The following IQGAP2 variants were observed in gnomAD, a reference collection of about 807,000 sequenced individuals.
IQGAP2 encodes IQ motif containing GTPase activating protein 2.
In IQGAP2, 173 loss-of-function variants were observed where a neutral mutation model predicts 201.3. The observed-to-expected ratio is 0.86, with a 90% CI of 0.76 to 0.98. The LOEUF is 0.98. IQGAP2 is among the 50% of genes least tolerant of loss of function. IQGAP2 has a pLI of 0.00. For synonymous variants in IQGAP2, 675 were observed against 673.9 expected (o/e 1.00, Z -0.03); for missense variants, 1,687 against 1,864.8 (o/e 0.90, Z 1.76).
chr5:76,701,144 T>A lies in IQGAP2; in HGVS notation c.4436T>A (p.Val1479Glu), dbSNP rs771638648. 1 of 1,614,126 alleles carries A rather than the reference T, an allele frequency of 6.2e-7. No individual in the cohort carries two copies. Among genetic ancestry groups the A allele is most frequent in the South Asian group, 1.1e-5 (1 of 91,082 alleles). Residue 1479 changes from valine to glutamate, a missense_variant, in exon 34 of 36, where the codon GTG becomes GAG. Physicochemically the swap from Val to Glu is moderately radical, Grantham distance 121. Transcript: ENST00000274364. ...AAAGGGGCGAAGAGAGCGAAGCCAG[T>A]GAAGTACACTGCAGCAAAGCTGCAT... The part of the protein sequence containing the change: ...EPKGAKRAKP[V>E]KYTAAKLHEK...
intron 2 of IQGAP2, among the ~76,000 whole-genome samples, chr5:76,505,505 A>G (rs1284983187): frequency 1.3e-5 from 2 of 152,156 alleles, no homozygotes; most frequent in Non-Finnish European, 2.9e-5. Flanking sequence ...AATTAGGGAG[A>G]CATTGAGGAG....
intron 5 of IQGAP2, among the ~76,000 whole-genome samples, chr5:76,587,429 T>C (rs1264972801): frequency 6.6e-6 from 1 of 152,208 alleles, no homozygotes; most frequent in Non-Finnish European, 1.5e-5. Flanking sequence ...TTAATAACAA[T>C]CTAAATGCTC....
chr5:76,443,186 C>T (rs544052470), intron 1 of IQGAP2, among the ~76,000 whole-genome samples: 60 of 152,150 alleles, frequency 3.9e-4, no homozygotes, highest in African/African-American at 1.3e-3. Flanking sequence ...GATTTATAGT[C>T]GGAAAATATA....
chr5:76,592,357 A>G (rs1400549510), intron 8 of IQGAP2, among the ~76,000 whole-genome samples: 3 of 152,194 alleles, frequency 2.0e-5, no homozygotes, highest in Admixed American at 2.0e-4. Context: ...TATTCTTGAC[A>G]TTATTCTGTT....
At chr5:76,421,631 T>G (rs1751735623) in intron 1 of IQGAP2, among the ~76,000 whole-genome samples, 1 of 151,414 alleles carries the variant, frequency 6.6e-6, no homozygotes, top group Non-Finnish European at 1.5e-5. Flanking sequence ...AAAAAATAGG[T>G]GTGGCAAAAT....
intron 1 of IQGAP2, among the ~76,000 whole-genome samples, chr5:76,426,045 C>A (rs996434211): frequency 4.6e-5 from 7 of 152,100 alleles, no homozygotes; most frequent in Admixed American, 1.3e-4. Flanking sequence ...AATGTGTTTG[C>A]GCAGTTCTGG....
chr5:76,437,125 C>T (rs998362570), intron 1 of IQGAP2, among the ~76,000 whole-genome samples: 1 of 152,086 alleles, frequency 6.6e-6, no homozygotes, highest in African/African-American at 2.4e-5. Context: ...AATCTCGACT[C>T]ACTGCAACCT....
intron 2 of IQGAP2, among the ~76,000 whole-genome samples, chr5:76,464,350 AAGT>A (rs1754656849): frequency 6.6e-6 from 1 of 152,216 alleles, no homozygotes. Context: ...GATTCTTTTA[AAGT>A]ATTAGTACCT....
chr5:76,520,139 GT>G (rs529317441), intron 2 of IQGAP2, among the ~76,000 whole-genome samples: 3 of 148,816 alleles, frequency 2.0e-5, no homozygotes, highest in Middle Eastern at 3.4e-3. Flanking sequence ...TTCCCTGGGT[GT>G]TTTTTTTTCC....
rs757851478 is a variant in IQGAP2 at position 76,637,136 on chromosome 5, G to A, written c.1883G>A (p.Cys628Tyr). 1.1e-5 allele frequency: 18 copies of A among 1,610,962 alleles called. No homozygotes were observed. The highest frequency in any genetic ancestry group is 8.5e-7 in the Non-Finnish European group (1 of 1,178,414). The change falls in exon 16 of 36, where the codon TGC becomes TAC. Residue 628 changes from cysteine (C) to tyrosine (Y), a missense_variant. By Grantham distance (194) the Cys-to-Tyr change is radical. Transcript: ENST00000274364. ...KESSWVTPES[C>Y]LYKESWLTGK... The stretch of plus-strand genomic sequence containing the variant: ...AGTTCCTGGGTCACACCTGAATCAT[G>A]CTTGTATAAAGAATCATGGCTCACA...
intron 2 of IQGAP2, among the ~76,000 whole-genome samples, chr5:76,475,245 G>C (rs979772667): frequency 1.3e-5 from 2 of 152,156 alleles, no homozygotes; most frequent in African/African-American, 4.8e-5. Context: ...GCATCAGCCA[G>C]GGTTGGATAG....
At chr5:76,615,191 T>G (rs1748826102) in intron 13 of IQGAP2, among the ~76,000 whole-genome samples, 1 of 152,254 alleles carries the variant, frequency 6.6e-6, no homozygotes, top group Non-Finnish European at 1.5e-5. Context: ...CAAAAAGTTC[T>G]GTTTTGCTCC....
At chr5:76,587,949 CAA>C (rs768707380) in intron 5 of IQGAP2, among the ~76,000 whole-genome samples, 31 of 90,314 alleles carry the variant, frequency 3.4e-4, no homozygotes, top group Admixed American at 9.6e-4. Flanking sequence ...CTGTCTCAAC[CAA>C]AAAAAAAAAA....
At chr5:76,499,817 A>T (rs1404323816) in intron 2 of IQGAP2, among the ~76,000 whole-genome samples, 1 of 152,196 alleles carries the variant, frequency 6.6e-6, no homozygotes, top group African/African-American at 2.4e-5. Flanking sequence ...CCTTAAAAAA[A>T]AATCCTGCTG....
chr5:76,642,458 C>A (rs936296406), intron 17 of IQGAP2, among the ~76,000 whole-genome samples: 9 of 152,136 alleles, frequency 5.9e-5, no homozygotes, highest in African/African-American at 2.2e-4. Context: ...CCTCACCACG[C>A]CTTTTTTTCA....
chr5:76,419,621 A>T (rs898959425), intron 1 of IQGAP2, among the ~76,000 whole-genome samples: 1 of 151,132 alleles, frequency 6.6e-6, no homozygotes, highest in African/African-American at 2.4e-5. Flanking sequence ...TACAGGTGTG[A>T]GCTACCATGC....
At chr5:76,694,562 C>A (rs1381082410) in intron 31 of IQGAP2, among the ~76,000 whole-genome samples, 1 of 152,124 alleles carries the variant, frequency 6.6e-6, no homozygotes, top group Non-Finnish European at 1.5e-5. Context: ...AATAATAGTA[C>A]CCAGCTCACA....
intron 28 of IQGAP2, among the ~76,000 whole-genome samples, chr5:76,681,843 A>G (rs1745331399): frequency 6.6e-6 from 1 of 152,244 alleles, no homozygotes; most frequent in Non-Finnish European, 1.5e-5. Context: ...GTCTATCACT[A>G]GATGAATGGA....
intron 9 of IQGAP2, 38 bp downstream of exon 9, chr5:76,592,963 G>A (rs3736394): frequency 0.48 from 634,483 of 1,329,070 alleles, 155,728 homozygotes; most frequent in South Asian, 0.69. Context: ...TGATATTTCC[G>A]TAAGATACAG....
Sources: gnomAD v4.1 joint callset for allele counts (sites outside exome capture counted in the v4.1 genomes callset) on GRCh38, gnomAD v4.1.1 for gene constraint, MANE v1.5 for transcripts, NCBI Gene and HGNC (gene_info 2026-07-23, HGNC 2026-07-21) for gene names.